Variants in CLASP2 observed in about 807,000 individuals in gnomAD.
CLASP2 encodes the protein CLIP-associating protein 2.
Under a neutral mutation model 194.4 loss-of-function variants are expected in CLASP2, and 47 were observed. The observed-to-expected ratio is 0.24, with a 90% CI of 0.19 to 0.31. CLASP2 has a LOEUF of 0.31. Ranked by LOEUF, CLASP2 falls within the 10% of genes least tolerant of loss-of-function variation. The pLI, the probability that CLASP2 is intolerant of heterozygous loss-of-function variation, is 1.00. For missense variants in CLASP2, 1,445 were observed against 1,823.6 expected, an observed-to-expected ratio of 0.79 and a Z score of 3.78; for synonymous variants, 619 against 633.5, an observed-to-expected ratio of 0.98 and a Z score of 0.34.
intron 31 of CLASP2, among the ~76,000 whole-genome samples, chr3:33,544,065 C>T (rs1197317929): frequency 2.0e-5 from 3 of 152,122 alleles, no homozygotes; most frequent in Non-Finnish European, 4.4e-5. Flanking sequence ...CAGTGTGTCT[C>T]CTTTATTTGC....
chr3:33,522,158 A>C (rs1189389133), intron 34 of CLASP2, among the ~76,000 whole-genome samples: 1 of 152,122 alleles, frequency 6.6e-6, no homozygotes, highest in African/African-American at 2.4e-5. Flanking sequence ...CCTCTAGCTA[A>C]AGTGACTTCC....
At chr3:33,644,629 G>GC in intron 8 of CLASP2, 128 bp downstream of exon 8, 1 of 946,926 alleles carries the variant, frequency 1.1e-6, no homozygotes, top group Non-Finnish European at 1.6e-6. Flanking sequence ...TCTGAATGTT[G>GC]CAACAGACTC....
At chr3:33,592,139 AAAGAC>A (rs2068940212) in intron 21 of CLASP2, 2 of 698,500 alleles carry the variant, frequency 2.9e-6, no homozygotes, top group South Asian at 1.5e-5. Flanking sequence ...ATAAAACACC[AAAGAC>A]AAGACAACAC....
intron 11 of CLASP2, among the ~76,000 whole-genome samples, chr3:33,620,244 G>A (rs2076892554): frequency 6.6e-6 from 1 of 152,010 alleles, no homozygotes; most frequent in African/African-American, 2.4e-5. Context: ...CTTTTTTGGA[G>A]TAGGATTTCC....
intron 1 of CLASP2, among the ~76,000 whole-genome samples, chr3:33,699,822 C>T (rs1450847511): frequency 2.7e-5 from 4 of 149,734 alleles, no homozygotes; most frequent in African/African-American, 9.8e-5. Flanking sequence ...CTACAACTGA[C>T]CACAGGTAAG....
At position 33,619,034 on chromosome 3, in the gene CLASP2, G is replaced by A. The variant is rs187510484; in HGVS notation, c.1317+569C>T. Among the ~76,000 whole-genome samples, 1,409 of 152,208 alleles carry A rather than the reference G, an allele frequency of 9.3e-3. 14 individuals are homozygous for A. Among genetic ancestry groups the A allele is most frequent in the Non-Finnish European group, 0.016 (1,082 of 68,006 alleles). On this transcript the variant is annotated intron_variant, in intron 12 of 38. Coordinates refer to ENST00000682230, the MANE Select transcript of CLASP2 (RefSeq NM_001365631.1). ...ATATGTTAAGGCCTATTGCTCCTAG[G>A]CTACGAACCTGTAGCTGAATTACTG...
chr3:33,546,393 G>A (rs1019173352), intron 30 of CLASP2, among the ~76,000 whole-genome samples: 5 of 151,828 alleles, frequency 3.3e-5, no homozygotes, highest in Admixed American at 1.3e-4. Flanking sequence ...AGTATATTTC[G>A]ATCATATCCT....
At chr3:33,659,068 G>A in intron 7 of CLASP2, 12 of 1,525,492 alleles carry the variant, frequency 7.9e-6, no homozygotes, top group Non-Finnish European at 1.1e-5. Context: ...CTGCGCCACT[G>A]GGCTCGGCCT....
intron 24 of CLASP2, among the ~76,000 whole-genome samples, chr3:33,575,084 A>T (rs1230782215): frequency 6.6e-6 from 1 of 152,176 alleles, no homozygotes; most frequent in Non-Finnish European, 1.5e-5. Context: ...ATGATTTGAG[A>T]TACAGGGATG....
chr3:33,689,883 T>C lies in CLASP2; in HGVS notation c.324A>G (p.Arg108=). The C allele has an allele frequency of 6.2e-7, 1 of 1,600,744 alleles. No individual in the cohort carries two copies. Among genetic ancestry groups the C allele is most frequent in the Non-Finnish European group, 8.5e-7 (1 of 1,173,974 alleles). The change falls in exon 3 of 39, where the codon CGA becomes CGG. Residue 108 remains arginine (R), a synonymous_variant. Coordinates refer to ENST00000682230, the MANE Select transcript of CLASP2 (RefSeq NM_001365631.1). ...DRMGDAKDKV[R]DEAQTLILKL... ...TCAATATCAGAGTCTGAGCTTCATC[T>C]CGAACCTTGTCTTTGGCATCTCCCA...
chr3:33,610,588 C>T (rs899478025), intron 13 of CLASP2, among the ~76,000 whole-genome samples: 3 of 139,950 alleles, frequency 2.1e-5, no homozygotes, highest in African/African-American at 5.2e-5. Context: ...CAATGTAAGA[C>T]GGGTTGGTTA....
At chr3:33,618,197 C>T (rs573005227) in intron 12 of CLASP2, among the ~76,000 whole-genome samples, 1 of 151,926 alleles carries the variant, frequency 6.6e-6, no homozygotes, top group Non-Finnish European at 1.5e-5. Context: ...ATCCGCCTGC[C>T]TTGGCCTCCC....
intron 20 of CLASP2, 104 bp from the exon 21 acceptor site, chr3:33,592,600 A>G: frequency 1.1e-6 from 1 of 874,772 alleles, no homozygotes; most frequent in Non-Finnish European, 1.8e-6. Flanking sequence ...AAATTCTGTA[A>G]TAATGTAATC....
chr3:33,645,975 C>CACACAA (rs3221480), intron 7 of CLASP2, among the ~76,000 whole-genome samples: 2 of 136,616 alleles, frequency 1.5e-5, no homozygotes, highest in Admixed American at 7.6e-5. Context: ...CACACACACA[C>CACACAA]AATGTATTTT....
chr3:33,625,866 T>A (rs1342727936), intron 10 of CLASP2, among the ~76,000 whole-genome samples: 1 of 152,022 alleles, frequency 6.6e-6, no homozygotes, highest in Non-Finnish European at 1.5e-5. Context: ...ATTGTTTCAC[T>A]TATTACAATA....
Position 33,595,525 on chromosome 3 carries a change from A to G in CLASP2, c.1949-557T>C, listed in dbSNP as rs1400759052. Among the ~76,000 whole-genome samples the G allele has an allele frequency of 2.0e-5, 3 of 152,120 alleles. No individual in the cohort carries two copies. The East Asian group carries it at 5.8e-4, about 29-fold the overall frequency. ...TATTCAACATTTATGTGCATTCCTTAAGATGTCAATGAAATCTATAAAAAA... is the reference window on the plus strand; with the variant it reads ...TATTCAACATTTATGTGCATTCCTTGAGATGTCAATGAAATCTATAAAAAA... On this transcript the variant is annotated intron_variant, in intron 19 of 38. Coordinates refer to ENST00000682230, the MANE Select transcript of CLASP2 (RefSeq NM_001365631.1).
At chr3:33,658,330 A>T (rs1258186387) in intron 7 of CLASP2, among the ~76,000 whole-genome samples, 1 of 152,222 alleles carries the variant, frequency 6.6e-6, no homozygotes, top group East Asian at 1.9e-4. Context: ...AGTGCTTTGG[A>T]GAACTATAAT....
intron 25 of CLASP2, 32 bp downstream of exon 25, chr3:33,573,078 T>C (rs1421037549): frequency 1.9e-6 from 3 of 1,611,008 alleles, no homozygotes; most frequent in Non-Finnish European, 2.5e-6. Flanking sequence ...GCTAACCTGA[T>C]AGTAAAATCA....
At chr3:33,635,288 A>C (rs1463492862) in intron 8 of CLASP2, among the ~76,000 whole-genome samples, 3 of 152,114 alleles carry the variant, frequency 2.0e-5, no homozygotes, top group Non-Finnish European at 2.9e-5. Flanking sequence ...AAAAAATTAC[A>C]AATGAAATAA....
Sources: allele counts gnomAD v4.1 joint callset (sites outside exome capture counted in the v4.1 genomes callset), GRCh38; gene constraint gnomAD v4.1.1; transcripts MANE v1.5; gene names NCBI Gene and HGNC (gene_info 2026-07-23, HGNC 2026-07-21).